The following TBC1D22A variants were observed in gnomAD, a reference collection of about 807,000 sequenced individuals.
TBC1D22A encodes the protein TBC1 domain family member 22A.
Under a neutral mutation model 60.2 loss-of-function variants are expected in TBC1D22A, and 38 were observed. The observed-to-expected ratio is 0.63, with a 90% CI of 0.49 to 0.83. TBC1D22A has a LOEUF of 0.83. Among genes scored for constraint, TBC1D22A ranks in the 40% least tolerant of loss-of-function variants. The pLI is 0.00. For missense variants in TBC1D22A, 628 were observed against 701.0 expected (o/e 0.90, Z 1.18); for synonymous variants, 302 against 281.7 (o/e 1.07, Z -0.72).
intron 12 of TBC1D22A, among the ~76,000 whole-genome samples, chr22:47,159,712 G>A (rs577151291): frequency 5.3e-5 from 8 of 149,592 alleles, no homozygotes; most frequent in South Asian, 2.1e-4. Context: ...ATATACACAC[G>A]CACACTACAC....
intron 12 of TBC1D22A, among the ~76,000 whole-genome samples, chr22:47,114,934 C>T (rs2065977464): frequency 6.6e-6 from 1 of 151,170 alleles, no homozygotes; most frequent in Non-Finnish European, 1.5e-5. Context: ...CCTAGGTCCC[C>T]TTGGCCTTTG....
chr22:46,890,052 T>C (rs1363573929), intron 5 of TBC1D22A, among the ~76,000 whole-genome samples: 1 of 152,158 alleles, frequency 6.6e-6, no homozygotes, highest in Non-Finnish European at 1.5e-5. Flanking sequence ...TTCGAAAATA[T>C]TTGGGAAAAA....
At chr22:47,096,902 C>T (rs1311051750) in intron 11 of TBC1D22A, among the ~76,000 whole-genome samples, 1 of 152,252 alleles carries the variant, frequency 6.6e-6, no homozygotes, top group Non-Finnish European at 1.5e-5. Context: ...CTTTCTCCCC[C>T]ACCCTCAGTT....
At chr22:46,841,141 T>C (rs569181022) in intron 4 of TBC1D22A, among the ~76,000 whole-genome samples, 1 of 151,580 alleles carries the variant, frequency 6.6e-6, no homozygotes, top group African/African-American at 2.4e-5. Context: ...ATCCCCAGAA[T>C]GGATGTGTTG....
At chr22:46,815,826 G>T (rs2085571374) in intron 4 of TBC1D22A, among the ~76,000 whole-genome samples, 1 of 152,232 alleles carries the variant, frequency 6.6e-6, no homozygotes, top group Middle Eastern at 3.4e-3. Context: ...GATGGGGCTT[G>T]TTTGGCTGGT....
intron 1 of TBC1D22A, chr22:46,774,080 GC>G (rs1289746054): frequency 2.0e-6 from 2 of 985,410 alleles, no homozygotes; most frequent in Admixed American, 6.1e-5. Context: ...TGTTCCTCCC[GC>G]CCCCGCACCC....
chr22:47,004,788 A>G (rs2061527164), intron 10 of TBC1D22A, among the ~76,000 whole-genome samples: 1 of 151,002 alleles, frequency 6.6e-6, no homozygotes, highest in Admixed American at 6.6e-5. Context: ...CTATATACAC[A>G]CACACTCCTA....
intron 11 of TBC1D22A, among the ~76,000 whole-genome samples, chr22:47,080,669 C>A: frequency 6.6e-6 from 1 of 150,738 alleles, no homozygotes; most frequent in South Asian, 2.1e-4. Flanking sequence ...GACTTAAAAT[C>A]AGGAATTTTA....
intron 11 of TBC1D22A, among the ~76,000 whole-genome samples, chr22:47,093,512 C>T (rs1016484986): frequency 2.6e-5 from 4 of 152,106 alleles, no homozygotes; most frequent in Admixed American, 1.3e-4. Context: ...AGCTGCCCAT[C>T]GGAAAGGCTG....
intron 12 of TBC1D22A, among the ~76,000 whole-genome samples, chr22:47,164,447 G>C (rs1034541689): frequency 1.3e-5 from 2 of 152,344 alleles, no homozygotes; most frequent in African/African-American, 4.8e-5. Flanking sequence ...TCCTCCTAGG[G>C]AGGTTTTTCG....
At chr22:46,787,556 G>A (rs965698973) in intron 1 of TBC1D22A, among the ~76,000 whole-genome samples, 5 of 152,098 alleles carry the variant, frequency 3.3e-5, no homozygotes, top group African/African-American at 1.2e-4. Context: ...CTGGAGCTGC[G>A]TGCATTAACA....
intron 7 of TBC1D22A, among the ~76,000 whole-genome samples, chr22:46,899,580 G>T (rs1015245611): frequency 2.0e-5 from 3 of 152,216 alleles, no homozygotes; most frequent in Admixed American, 6.5e-5. Flanking sequence ...GCCTTCACAG[G>T]CCAGAACTCG....
chr22:46,781,656 G>T (rs1417641462), intron 1 of TBC1D22A, among the ~76,000 whole-genome samples: 4 of 152,134 alleles, frequency 2.6e-5, no homozygotes, highest in Non-Finnish European at 5.9e-5. Flanking sequence ...TTGGTTGGGG[G>T]TCTTCTCCAG....
In TBC1D22A at chr22:46,904,134, TCTATCTATCTACCTACCTAC is replaced by T. The variant is rs1273337209; in HGVS notation, c.901-7936_901-7917del. On this transcript the variant is annotated intron_variant, in intron 7 of 12. Coordinates refer to ENST00000337137, the MANE Select transcript of TBC1D22A (RefSeq NM_014346.5). ...ATCTATCTATCTATCTATCTATCTA[TCTATCTATCTACCTACCTAC>T]CTACCTACCTACCTACCTACCAGTC... is the stretch of plus-strand genomic sequence containing the variant. 3.2e-3 allele frequency among the ~76,000 whole-genome samples: 211 copies of T among 66,574 alleles called. 1 individual carries two copies. The highest frequency in any genetic ancestry group is 9.1e-3 in the African/African-American group (125 of 13,666). 43.7% of individuals were successfully genotyped at this position (66,574 alleles called of 152,430 possible).
chr22:46,913,506 T>C (rs73888461), intron 8 of TBC1D22A: 55,102 of 1,291,108 alleles, frequency 0.043, 3,032 homozygotes, highest in African/African-American at 0.25. Context: ...TCATAGGAGG[T>C]TGTCTCATTG....
chr22:47,155,679 A>G (rs550681516), intron 12 of TBC1D22A, among the ~76,000 whole-genome samples: 34 of 150,932 alleles, frequency 2.3e-4, no homozygotes, highest in African/African-American at 7.9e-4. Flanking sequence ...CCCTCTTCCC[A>G]GACACCACGG....
intron 1 of TBC1D22A, chr22:46,773,898 A>G (rs917912295): frequency 2.0e-6 from 2 of 981,880 alleles, no homozygotes; most frequent in Non-Finnish European, 2.4e-6. Context: ...CACACAGCTC[A>G]TAAGTGGCAA....
At chr22:46,953,022 C>T (rs2072999840) in intron 8 of TBC1D22A, among the ~76,000 whole-genome samples, 1 of 152,172 alleles carries the variant, frequency 6.6e-6, no homozygotes, top group African/African-American at 2.4e-5. Flanking sequence ...CCTTGCTTCC[C>T]ATACTGCACT....
chr22:46,858,982 T>A (rs151051130), intron 4 of TBC1D22A, among the ~76,000 whole-genome samples: 2 of 142,560 alleles, frequency 1.4e-5, no homozygotes, highest in East Asian at 2.1e-4. Context: ...GAGGTCTGTG[T>A]AGTGCTGTGC....
Sources: gnomAD v4.1 joint callset for allele counts (sites outside exome capture counted in the v4.1 genomes callset) on GRCh38, gnomAD v4.1.1 for gene constraint, MANE v1.5 for transcripts, NCBI Gene and HGNC (gene_info 2026-07-23, HGNC 2026-07-21) for gene names.